The following ROBO2 variants were observed in gnomAD, a reference collection of about 807,000 sequenced individuals.
The protein encoded by ROBO2 is roundabout homolog 2.
ROBO2 carries 53 observed loss-of-function variants against 160.8 expected under a neutral mutation model. The ratio of observed to expected loss-of-function variants is 0.33; its 90% confidence interval spans 0.26 to 0.41. The LOEUF is 0.41. Among genes scored for constraint, ROBO2 ranks in the 10% least tolerant of loss-of-function variants. ROBO2 has a pLI of 1.00. For missense variants in ROBO2, 1,577 were observed against 1,722.4 expected (o/e 0.92, Z 1.49); for synonymous variants, 664 against 611.7 (o/e 1.09, Z -1.26).
intron 2 of ROBO2, among the ~76,000 whole-genome samples, chr3:77,255,380 G>C (rs1339209931): frequency 1.3e-5 from 2 of 152,198 alleles, no homozygotes; most frequent in African/African-American, 4.8e-5. Flanking sequence ...AGGGAATATA[G>C]TAAAGCCCCA....
intron 2 of ROBO2, among the ~76,000 whole-genome samples, chr3:76,634,582 A>AG (rs2090214892): frequency 6.6e-6 from 1 of 150,970 alleles, no homozygotes; most frequent in African/African-American, 2.5e-5. Context: ...AGAAAAAAAA[A>AG]AAAAGGACAT....
rs1403891532 is a variant in ROBO2 at position 76,294,032 on chromosome 3, C to T, written c.109+356430C>T. 3.3e-5 allele frequency among the ~76,000 whole-genome samples: 5 copies of T among 152,068 alleles called. No individual in the cohort carries two copies. The South Asian group carries it at 6.2e-4, about 19-fold the overall frequency. On this transcript the variant is annotated intron_variant, in intron 2 of 26. Coordinates refer to the ROBO2 transcript ENST00000487694. ...TCGGCACCCAAAGTCCAGAGGGGGC[C>T]GAGGCAGCGTGGGACTGGTGTGTCA...
chr3:76,141,526 AC>A (rs1190264876), intron 2 of ROBO2, among the ~76,000 whole-genome samples: 1 of 151,882 alleles, frequency 6.6e-6, no homozygotes, highest in African/African-American at 2.4e-5. Flanking sequence ...GAATAAAAAT[AC>A]AAGGTAGGAA....
chr3:77,646,141 C>T (rs1559797766), exon 26 of ROBO2: 3 of 957,630 alleles, frequency 3.1e-6, no homozygotes, highest in Non-Finnish European at 4.7e-6. Flanking sequence ...GTGCAATGAA[C>T]AATTTATTTA....
intron 2 of ROBO2, among the ~76,000 whole-genome samples, chr3:76,345,267 G>A (rs987221179): frequency 5.9e-5 from 9 of 152,046 alleles, no homozygotes. Context: ...CATGGGAAAG[G>A]CCTCTGTGAG....
At chr3:77,438,045 T>C (rs1581940147) in intron 2 of ROBO2, among the ~76,000 whole-genome samples, 1 of 152,016 alleles carries the variant, frequency 6.6e-6, no homozygotes, top group African/African-American at 2.4e-5. Context: ...AGGTTTTTAC[T>C]GTCTTATAAT....
At chr3:75,963,232 G>A (rs916086051) in intron 2 of ROBO2, among the ~76,000 whole-genome samples, 3 of 151,496 alleles carry the variant, frequency 2.0e-5, no homozygotes, top group East Asian at 2.0e-4. Flanking sequence ...CTGTCACCCC[G>A]GGTGGAGTGC....
intron 13 of ROBO2, among the ~76,000 whole-genome samples, 192 bp from the exon 15 acceptor site, chr3:77,574,307 A>G (rs961292643): frequency 1.3e-5 from 2 of 152,038 alleles, no homozygotes; most frequent in African/African-American, 4.8e-5. Context: ...CATTTTGGAA[A>G]CAATCTTAGG....
At chr3:76,858,915 T>A (rs770968735) in intron 2 of ROBO2, among the ~76,000 whole-genome samples, 65 of 152,210 alleles carry the variant, frequency 4.3e-4, no homozygotes, top group Admixed American at 5.9e-4. Flanking sequence ...GAAACCAGGA[T>A]GGCTGTGCTG....
rs150404534 is a variant in ROBO2, at chr3:76,455,501, A to G, written c.109+517899A>G. On this transcript the variant is annotated intron_variant, in intron 2 of 26. Transcript: ENST00000487694. ...TGTATTTTTATTGGTTCTCATTCCA[A>G]TTTCTGAAACAATATATAGTTAGCA... is the stretch of plus-strand genomic sequence containing the variant. Among the ~76,000 whole-genome samples, 56 of 152,226 alleles carry G rather than the reference A, an allele frequency of 3.7e-4. 1 individual carries two copies. The East Asian group carries it at 9.4e-3, about 26-fold the overall frequency.
chr3:77,644,588 T>A (rs535883083), intron 24 of ROBO2, 116 bp from the exon 27 acceptor site: 1 of 914,422 alleles, frequency 1.1e-6, no homozygotes, highest in East Asian at 2.6e-5. Context: ...AATTTTAATT[T>A]TATTAAAGAA....
chr3:77,420,086 C>T (rs957141520), intron 2 of ROBO2, among the ~76,000 whole-genome samples: 9 of 151,738 alleles, frequency 5.9e-5, no homozygotes, highest in Admixed American at 3.3e-4. Context: ...AACATTCCCC[C>T]CAACATTAAA....
chr3:76,834,159 CTCTTTCTTTCTT>C (rs201086914), intron 2 of ROBO2, among the ~76,000 whole-genome samples: 1 of 113,076 alleles, frequency 8.8e-6, no homozygotes, highest in Non-Finnish European at 1.8e-5. Flanking sequence ...TTCTTTCTCT[CTCTTTCTTTCTT>C]TCTCTCTCTC....
chr3:76,164,149 A>G (rs1265216033), intron 2 of ROBO2, among the ~76,000 whole-genome samples: 3 of 152,310 alleles, frequency 2.0e-5, no homozygotes, highest in East Asian at 1.9e-4. Flanking sequence ...TTGCTCATCC[A>G]TAAGAGACAA....
intron 2 of ROBO2, among the ~76,000 whole-genome samples, chr3:76,876,735 A>G (rs2148714635): frequency 6.6e-6 from 1 of 152,314 alleles, no homozygotes. Flanking sequence ...TTGCAAAGAA[A>G]TACAGGGTTT....
At chr3:77,597,904 C>T (rs772792388) in intron 19 of ROBO2, among the ~76,000 whole-genome samples, 9 of 152,040 alleles carry the variant, frequency 5.9e-5, no homozygotes, top group Non-Finnish European at 7.4e-5. Context: ...ATTTAGACTT[C>T]GTTCAGAGGG....
intron 15 of ROBO2, 45 bp from the exon 17 acceptor site, chr3:77,579,902 A>G (rs762281249): frequency 6.5e-7 from 1 of 1,540,932 alleles, no homozygotes. Flanking sequence ...GTTACCAGAA[A>G]CGATAATCTT....
chr3:76,329,320 C>G (rs1576463482), intron 2 of ROBO2, among the ~76,000 whole-genome samples: 1 of 152,188 alleles, frequency 6.6e-6, no homozygotes. Context: ...CTGGGTCAAG[C>G]AGTGTTCATG....
intron 2 of ROBO2, among the ~76,000 whole-genome samples, chr3:76,181,743 G>T (rs1211201929): frequency 6.6e-6 from 1 of 151,872 alleles, no homozygotes; most frequent in African/African-American, 2.4e-5. Flanking sequence ...TTTTGACACA[G>T]ATTAAAAATA....
Sources: gnomAD v4.1 joint callset for allele counts (sites outside exome capture counted in the v4.1 genomes callset) on GRCh38, gnomAD v4.1.1 for gene constraint, MANE v1.5 for transcripts, NCBI Gene and HGNC (gene_info 2026-07-23, HGNC 2026-07-21) for gene names.